ATP6V0A1: variants seen among roughly 807,000 people sequenced by gnomAD.
ATP6V0A1 encodes V-type proton ATPase 116 kDa subunit a 1.
A neutral mutation model predicts 105.4 loss-of-function variants in ATP6V0A1; 43 were observed. That is an observed-to-expected ratio of 0.41 (90% confidence interval 0.32 to 0.53). The LOEUF is 0.53. Among genes scored for constraint, ATP6V0A1 ranks in the 20% least tolerant of loss-of-function variants. The pLI, the probability that ATP6V0A1 is intolerant of heterozygous loss-of-function variation, is 0.30. For synonymous variants in ATP6V0A1, 362 were observed against 372.8 expected (o/e 0.97, Z 0.33); for missense variants, 676 against 1,051.1 (o/e 0.64, Z 4.93).
intron 1 of ATP6V0A1, among the ~76,000 whole-genome samples, chr17:42,459,584 G>A (rs2086167964): frequency 6.6e-6 from 1 of 152,210 alleles, no homozygotes; most frequent in South Asian, 2.1e-4. Flanking sequence ...GCGACTCGTT[G>A]GAGGCTTATC....
At chr17:42,485,398 A>T (rs917613235) in intron 9 of ATP6V0A1, among the ~76,000 whole-genome samples, 1 of 152,184 alleles carries the variant, frequency 6.6e-6, no homozygotes, top group Non-Finnish European at 1.5e-5. Flanking sequence ...TTGATTTTTT[A>T]AAAATCTAGC....
At chr17:42,504,886 T>C (rs2091918681) in intron 17 of ATP6V0A1, among the ~76,000 whole-genome samples, 2 of 152,204 alleles carry the variant, frequency 1.3e-5, no homozygotes, top group South Asian at 4.1e-4. Context: ...TATCTGCCTG[T>C]CTTCTATTGA....
intron 11 of ATP6V0A1, among the ~76,000 whole-genome samples, chr17:42,490,885 G>C (rs1042979979): frequency 1.3e-5 from 2 of 151,724 alleles, no homozygotes; most frequent in Non-Finnish European, 2.9e-5. Context: ...TTTTTGACTG[G>C]GTCTCATTCT....
chr17:42,494,952 G>C, intron 12 of ATP6V0A1, 82 bp from the exon 13 acceptor site: 1 of 1,435,862 alleles, frequency 7.0e-7, no homozygotes, highest in Non-Finnish European at 9.6e-7. Flanking sequence ...CTGGAGAAAG[G>C]GGCAGGTATA....
rs2087345076 is a variant in ATP6V0A1 at position 42,468,075 on chromosome 17, G to A, written c.262G>A (p.Val88Ile). 4 of 1,600,916 alleles carry A rather than the reference G, an allele frequency of 2.5e-6. No homozygotes were observed. The highest frequency in any genetic ancestry group is 3.4e-6 in the Non-Finnish European group (4 of 1,173,240). Residue 88 changes from valine (V) to isoleucine (I), a missense_variant, in exon 4 of 22, where the codon GTT becomes ATT. Val to Ile is a conservative substitution (Grantham distance 29). Around this residue, in one of 3 missense-constraint regions of ATP6V0A1, gnomAD observed 239 missense variants for 388.4 expected, o/e 0.62. Transcript: ENST00000343619. ...PIMDTGENPEVPFPRDMIDLE... is the reference protein window; with the variant it reads ...PIMDTGENPEIPFPRDMIDLE... ...TATGGACACCGGTGAAAACCCAGAGGTTCCCTTCCCCCGGGACATGATTGA... is the reference window on the plus strand; with the variant it reads ...TATGGACACCGGTGAAAACCCAGAGATTCCCTTCCCCCGGGACATGATTGA...
chr17:42,482,985 T>G, intron 8 of ATP6V0A1, 53 bp from the exon 9 acceptor site: 8 of 1,274,026 alleles, frequency 6.3e-6, no homozygotes, highest in Non-Finnish European at 8.4e-6. Context: ...GATTACTTTC[T>G]GAGATTATTT....
intron 17 of ATP6V0A1, among the ~76,000 whole-genome samples, chr17:42,503,773 GGTCATCCTTCTGGAACTAGTCTAA>G (rs962696174): frequency 2.0e-5 from 3 of 152,162 alleles, no homozygotes; most frequent in South Asian, 2.1e-4. Context: ...AATTTCTTAT[GGTCATCCTTCTGGAACTAGTCTAA>G]GTCATCCTTC....
chr17:42,508,816 C>T (rs183642088), intron 19 of ATP6V0A1, among the ~76,000 whole-genome samples: 92 of 152,328 alleles, frequency 6.0e-4, no homozygotes, highest in East Asian at 3.3e-3. Flanking sequence ...ATTGACTTTG[C>T]TGATTTAACA....
rs374475820 is a variant in ATP6V0A1, at chr17:42,471,626, C to T, written c.423+1408C>T. Among the ~76,000 whole-genome samples, 6 of 151,724 alleles carry T rather than the reference C, an allele frequency of 4.0e-5. No homozygotes were observed. The East Asian group carries it at 5.8e-4, about 15-fold the overall frequency. ...GTGCACACCTGTAGTTCCAGCTACT[C>T]GGGAGGCTGAAGTGAGGGGATTGCT... On this transcript the variant is annotated intron_variant, in intron 5 of 21. Transcript: ENST00000343619.
rs2089365761 is a variant in ATP6V0A1, at chr17:42,480,567, G to T, written c.634-100G>T. ...ATGCAGGACTGCCATGTCCTTAAAA[G>T]ATGCCTGTTGTTCTTGCATCACCAA... On this transcript the variant is annotated intron_variant, in intron 7 of 21. Coordinates refer to ENST00000343619, the MANE Select transcript of ATP6V0A1 (RefSeq NM_001130021.3). The T allele has an allele frequency of 3.7e-6, 4 of 1,080,670 alleles. No individual in the cohort carries two copies. In the Admixed American group the frequency reaches 8.4e-5, roughly 23 times the overall value. The allele number at this position is 1,080,670 out of a possible 1,614,324, so 66.9% of individuals were successfully genotyped here.
chr17:42,471,776 G>C (rs1412841236), intron 5 of ATP6V0A1, among the ~76,000 whole-genome samples: 1 of 152,072 alleles, frequency 6.6e-6, no homozygotes, highest in African/African-American at 2.4e-5. Context: ...AATGTGCTGA[G>C]GTGACTCCAT....
At chr17:42,490,421 C>A (rs919061945) in intron 10 of ATP6V0A1, 66 bp from the exon 11 acceptor site, 1 of 1,436,244 alleles carries the variant, frequency 7.0e-7, no homozygotes, top group Non-Finnish European at 9.3e-7. Context: ...GAAATGTACA[C>A]CTGTGTAACC....
chr17:42,480,799 G>A (rs1475074854), intron 8 of ATP6V0A1, 50 bp downstream of exon 8: 11 of 1,544,282 alleles, frequency 7.1e-6, no homozygotes, highest in African/African-American at 1.4e-5. Flanking sequence ...CTGCCCAACT[G>A]TTGAGTCTTA....
intron 19 of ATP6V0A1, among the ~76,000 whole-genome samples, chr17:42,512,341 T>C (rs1307110257): frequency 6.6e-6 from 1 of 152,202 alleles, no homozygotes; most frequent in Admixed American, 6.5e-5. Context: ...ACTGAAGGGA[T>C]TGGCTGTAAG....
chr17:42,492,123 C>T (rs549259621), intron 11 of ATP6V0A1, among the ~76,000 whole-genome samples: 10 of 152,144 alleles, frequency 6.6e-5, no homozygotes, highest in African/African-American at 2.4e-4. Context: ...AATCCCAGCA[C>T]TTTGGGAGGC....
rs111891961 is a variant in ATP6V0A1, at chr17:42,499,475, A to T, written c.1679+433A>T. ...GACAGAGTGAGACTCTGCCTCAAAA[A>T]AAATAAATAAATAAATAAATTTCAT... On this transcript the variant is annotated intron_variant, in intron 15 of 21. Coordinates refer to ENST00000343619, the MANE Select transcript of ATP6V0A1 (RefSeq NM_001130021.3). Among the ~76,000 whole-genome samples, 591 of 151,932 alleles carry T rather than the reference A, an allele frequency of 3.9e-3. 2 individuals carry two copies. The highest frequency in any genetic ancestry group is 6.7e-3 in the African/African-American group (278 of 41,414).
intron 10 of ATP6V0A1, among the ~76,000 whole-genome samples, chr17:42,490,156 TA>T (rs2090494768): frequency 6.6e-6 from 1 of 152,296 alleles, no homozygotes; most frequent in East Asian, 1.9e-4. Context: ...ACAACTTTCA[TA>T]AAAAGGCAGA....
chr17:42,500,145 A>G (rs2091551692), intron 15 of ATP6V0A1, among the ~76,000 whole-genome samples: 1 of 150,984 alleles, frequency 6.6e-6, no homozygotes. Context: ...TCTCTTTCTC[A>G]TGGAGAGAAT....
At position 42,478,541 on chromosome 17, in the gene ATP6V0A1, G is replaced by T; in HGVS notation, c.585G>T (p.Val195=). The T allele has an allele frequency of 6.2e-7, 1 of 1,607,406 alleles. No individual in the cohort carries two copies. Among genetic ancestry groups the T allele is most frequent in the Non-Finnish European group, 8.5e-7 (1 of 1,176,016 alleles). Residue 195 remains valine, a synonymous_variant, in exon 7 of 22, where the codon GTG becomes GTT. Transcript: ENST00000343619. ...RMLWRVCRGN[V]FLRQAEIENP... ...TTTGGCGGGTATGCCGGGGAAATGTGTTCCTGCGACAGGCTGAAATCGAGA... is the reference window on the plus strand; with the variant it reads ...TTTGGCGGGTATGCCGGGGAAATGTTTTCCTGCGACAGGCTGAAATCGAGA...
Sources: allele counts gnomAD v4.1 joint callset (sites outside exome capture counted in the v4.1 genomes callset), GRCh38; gene constraint gnomAD v4.1.1; regional missense constraint gnomAD v4.1.1; transcripts MANE v1.5; gene names NCBI Gene and HGNC (gene_info 2026-07-23, HGNC 2026-07-21).